Variants in RHBDL2 observed in about 807,000 individuals in gnomAD.
The protein encoded by RHBDL2 is rhomboid-related protein 2.
In RHBDL2, 26 loss-of-function variants were observed where a neutral mutation model predicts 31.7. The observed-to-expected ratio is 0.82, with a 90% CI of 0.60 to 1.14. RHBDL2 has a LOEUF of 1.14. Ranked by LOEUF, RHBDL2 falls within the 50% of genes most tolerant of loss-of-function variation. The pLI, the probability that RHBDL2 is intolerant of heterozygous loss-of-function variation, is 0.00. For missense variants in RHBDL2, 336 were observed against 364.4 expected (o/e 0.92, Z 0.63); for synonymous variants, 123 against 127.2 (o/e 0.97, Z 0.22).
intron 4 of RHBDL2, among the ~76,000 whole-genome samples, chr1:38,910,753 CTTTTTTTT>C (rs765064879): frequency 2.7e-5 from 3 of 111,076 alleles, no homozygotes; most frequent in South Asian, 2.8e-4. Context: ...TATTCCTTTT[CTTTTTTTT>C]TTTTTTTTTT....
chr1:38,914,302 C>T (rs927944899), intron 3 of RHBDL2, among the ~76,000 whole-genome samples: 4 of 151,880 alleles, frequency 2.6e-5, no homozygotes, highest in South Asian at 2.1e-4. Context: ...AATGCAGTGG[C>T]GCGATCTCGG....
chr1:38,938,127 C>T (rs935708059), intron 1 of RHBDL2, among the ~76,000 whole-genome samples: 5 of 151,976 alleles, frequency 3.3e-5, no homozygotes, highest in African/African-American at 1.2e-4. Flanking sequence ...AAGCGATTCT[C>T]CTCCCTCAAC....
chr1:38,903,726 T>C (rs1232471937), intron 4 of RHBDL2, among the ~76,000 whole-genome samples: 1 of 152,096 alleles, frequency 6.6e-6, no homozygotes, highest in Non-Finnish European at 1.5e-5. Context: ...CCAAGTTATA[T>C]GGAAATACAA....
Position 38,893,910 on chromosome 1 carries a change from T to C in RHBDL2, c.610-686A>G, listed in dbSNP as rs11211581. Among the ~76,000 whole-genome samples, 284 of 152,246 alleles carry C rather than the reference T, an allele frequency of 1.9e-3. 2 individuals carry two copies. The highest frequency in any genetic ancestry group is 6.3e-3 in the African/African-American group (261 of 41,534). On this transcript the variant is annotated intron_variant, in intron 5 of 7. Coordinates refer to ENST00000372990, the MANE Select transcript of RHBDL2 (RefSeq NM_017821.5). Reference sequence around the variant, plus strand: ...GCATTCCAGTACACCTGGCTCATTGTTGGATTTTAGCTTTGGGTCCCTTAT... The same window carrying C: ...GCATTCCAGTACACCTGGCTCATTGCTGGATTTTAGCTTTGGGTCCCTTAT...
At chr1:38,915,787 CTG>C in intron 2 of RHBDL2, 77 bp from the exon 3 acceptor site, 1 of 1,415,128 alleles carries the variant, frequency 7.1e-7, no homozygotes, top group Non-Finnish European at 9.9e-7. Flanking sequence ...TGGGCAGTAA[CTG>C]TTTCAGATGA....
intron 4 of RHBDL2, among the ~76,000 whole-genome samples, chr1:38,904,236 C>T (rs938727797): frequency 1.3e-5 from 2 of 151,938 alleles, no homozygotes; most frequent in Non-Finnish European, 2.9e-5. Flanking sequence ...TTTGGGAGGC[C>T]GAGGCAGGTG....
chr1:38,920,787 T>A (rs12064005), intron 1 of RHBDL2, among the ~76,000 whole-genome samples: 9,426 of 150,624 alleles, frequency 0.063, 341 homozygotes, highest in South Asian at 0.093. Flanking sequence ...TTTTTTTTTT[T>A]TGTATTTTTA....
At chr1:38,922,867 G>A (rs1408317434) in intron 1 of RHBDL2, among the ~76,000 whole-genome samples, 1 of 152,140 alleles carries the variant, frequency 6.6e-6, no homozygotes, top group Non-Finnish European at 1.5e-5. Flanking sequence ...CGAGGTCGGT[G>A]GATCACCTGA....
At chr1:38,902,201 C>CTTTTTTTTTTTTTTTTTTTTTTTTTT (rs770169792) in intron 4 of RHBDL2, among the ~76,000 whole-genome samples, 2 of 92,806 alleles carry the variant, frequency 2.2e-5, no homozygotes, top group East Asian at 3.4e-4. Flanking sequence ...TTTTCTTTTT[C>CTTTTTTTTTTTTTTTTTTTTTTTTTT]TTTTTTTTTT....
chr1:38,896,358 C>G (rs1396374703), intron 4 of RHBDL2, among the ~76,000 whole-genome samples: 3 of 152,162 alleles, frequency 2.0e-5, no homozygotes, highest in Non-Finnish European at 2.9e-5. Flanking sequence ...GTTGACTTCT[C>G]TATGTCTCAG....
intron 1 of RHBDL2, among the ~76,000 whole-genome samples, chr1:38,927,224 G>C (rs527272744): frequency 6.6e-5 from 10 of 150,414 alleles, no homozygotes; most frequent in African/African-American, 2.4e-4. Context: ...TCAGGAGATC[G>C]AGACCATCCT....
chr1:38,917,161 G>T (rs1643249731), intron 2 of RHBDL2, among the ~76,000 whole-genome samples: 1 of 151,302 alleles, frequency 6.6e-6, no homozygotes, highest in Non-Finnish European at 1.5e-5. Flanking sequence ...GGGACTACAG[G>T]TGCCCGCCAC....
chr1:38,907,448 G>A (rs1025426643), intron 4 of RHBDL2, among the ~76,000 whole-genome samples: 2 of 152,238 alleles, frequency 1.3e-5, no homozygotes, highest in African/African-American at 2.4e-5. Flanking sequence ...GCTGAGGCTG[G>A]AGAATTGCTT....
In RHBDL2 at chr1:38,915,615, A is replaced by G; in HGVS notation, c.342T>C (p.Pro114=). 6.2e-7 allele frequency: 1 copy of G among 1,613,912 alleles called. No homozygotes were observed. The highest frequency in any genetic ancestry group is 2.2e-5 in the East Asian group (1 of 44,876). ...GILESPFIYS[P]EKREEAWRFI... ...ACCTCCAGGCTTCCTCCCTCTTCTC[A>G]GGACTGTAGATAAAGGGACTCTCCA... Residue 114 remains proline, a synonymous_variant, in exon 3 of 8, where the codon CCT becomes CCC. Coordinates refer to ENST00000372990, the MANE Select transcript of RHBDL2 (RefSeq NM_017821.5).
At chr1:38,930,883 T>C (rs1643432703) in intron 1 of RHBDL2, among the ~76,000 whole-genome samples, 1 of 152,216 alleles carries the variant, frequency 6.6e-6, no homozygotes, top group African/African-American at 2.4e-5. Flanking sequence ...ACCAACTGTC[T>C]GGTTTGCACA....
chr1:38,933,446 T>C (rs995120290), intron 1 of RHBDL2, among the ~76,000 whole-genome samples: 2 of 152,204 alleles, frequency 1.3e-5, no homozygotes, highest in South Asian at 4.1e-4. Flanking sequence ...TTATTGTCTG[T>C]CTCTTTCTGC....
rs1474306806 is a variant in RHBDL2 at position 38,911,417 on chromosome 1, C to A, written c.413G>T (p.Gly138Val). ...CAAAACAAGCTGCATACAAAGATTC[C>A]CCAAGATGTGCTGAACTCTGCAAAG... ...LVHAGVQHILGNLCMQLVLGI... is the reference protein window; with the variant it reads ...LVHAGVQHILVNLCMQLVLGI... The change falls in exon 4 of 8, where the codon GGG becomes GTG. Residue 138 changes from glycine (G) to valine (V), a missense_variant. Gly to Val is a moderately radical substitution (Grantham distance 109). Coordinates refer to ENST00000372990, the MANE Select transcript of RHBDL2 (RefSeq NM_017821.5). 3 of 1,613,386 alleles carry A rather than the reference C, an allele frequency of 1.9e-6. No homozygotes were observed. In the South Asian group the frequency reaches 3.3e-5, roughly 18 times the overall value.
intron 6 of RHBDL2, among the ~76,000 whole-genome samples, chr1:38,892,736 G>A (rs1383426796): frequency 6.6e-6 from 1 of 152,160 alleles, no homozygotes; most frequent in African/African-American, 2.4e-5. Context: ...GGGGCCAGGG[G>A]ACAAAAGCAC....
chr1:38,892,147 T>TGG (rs1642862611), intron 6 of RHBDL2, among the ~76,000 whole-genome samples: 1 of 152,214 alleles, frequency 6.6e-6, no homozygotes, highest in African/African-American at 2.4e-5. Context: ...GTCACCCTCT[T>TGG]GGTCTGGGCT....
Sources: gnomAD v4.1 joint callset for allele counts (sites outside exome capture counted in the v4.1 genomes callset) on GRCh38, gnomAD v4.1.1 for gene constraint, MANE v1.5 for transcripts, NCBI Gene and HGNC (gene_info 2026-07-23, HGNC 2026-07-21) for gene names.